The following ERBB4 variants were observed in gnomAD, a reference collection of about 807,000 sequenced individuals.
The protein encoded by ERBB4 is receptor tyrosine-protein kinase erbB-4.
ERBB4 carries 42 observed loss-of-function variants against 158.0 expected under a neutral mutation model. The ratio of observed to expected loss-of-function variants is 0.27; its 90% CI spans 0.21 to 0.34. ERBB4 has a LOEUF of 0.34. Among genes scored for constraint, ERBB4 ranks in the 10% least tolerant of loss-of-function variants. The pLI, the probability that ERBB4 is intolerant of heterozygous loss-of-function variation, is 1.00. For missense variants in ERBB4, 1,333 were observed against 1,624.1 expected (o/e 0.82, Z 3.08); for synonymous variants, 583 against 558.7 (o/e 1.04, Z -0.61).
At chr2:212,480,059 T>A (rs1213947286) in intron 1 of ERBB4, among the ~76,000 whole-genome samples, 1 of 152,190 alleles carries the variant, frequency 6.6e-6, no homozygotes, top group East Asian at 1.9e-4. Context: ...TTAACTCTTG[T>A]GGGAATTAAT....
chr2:211,823,862 T>C (rs1002493857), intron 3 of ERBB4, among the ~76,000 whole-genome samples: 4 of 152,054 alleles, frequency 2.6e-5, no homozygotes, highest in Non-Finnish European at 5.9e-5. Context: ...GGCCAATTCA[T>C]AGTTAATTAC....
At chr2:212,431,100 C>T (rs953890758) in intron 1 of ERBB4, among the ~76,000 whole-genome samples, 2 of 151,982 alleles carry the variant, frequency 1.3e-5, no homozygotes, top group African/African-American at 4.8e-5. Flanking sequence ...CCCTCTTTGA[C>T]AGACCTCTCT....
intron 2 of ERBB4, among the ~76,000 whole-genome samples, chr2:212,102,090 T>TTATATATATA (rs57567965): frequency 0.011 from 1,183 of 107,930 alleles, 42 homozygotes; most frequent in African/African-American, 0.028. Context: ...AAAATTTATT[T>TTATATATATA]TATATATATA....
intron 23 of ERBB4, among the ~76,000 whole-genome samples, chr2:211,423,291 A>C (rs1188545199): frequency 6.6e-6 from 1 of 151,964 alleles, no homozygotes; most frequent in Non-Finnish European, 1.5e-5. Flanking sequence ...TCACTGTCAG[A>C]ATGTATCACA....
chr2:212,151,739 A>G (rs1038480547), intron 1 of ERBB4, among the ~76,000 whole-genome samples: 1 of 151,764 alleles, frequency 6.6e-6, no homozygotes, highest in Admixed American at 6.6e-5. Context: ...AAATACAAAA[A>G]CCAGCTGGGC....
chr2:211,414,913 T>A (rs2063349134), intron 25 of ERBB4, among the ~76,000 whole-genome samples: 1 of 152,050 alleles, frequency 6.6e-6, no homozygotes, highest in Admixed American at 6.6e-5. Context: ...CAGTAGTAGT[T>A]ACCTCCTAGG....
chr2:211,988,589 C>A (rs1331794856), intron 2 of ERBB4, among the ~76,000 whole-genome samples: 1 of 151,984 alleles, frequency 6.6e-6, no homozygotes, highest in Non-Finnish European at 1.5e-5. Context: ...ATTCAAGTTT[C>A]TAAATTATTC....
intron 20 of ERBB4, among the ~76,000 whole-genome samples, chr2:211,461,763 T>C (rs555083977): frequency 6.6e-5 from 10 of 152,014 alleles, no homozygotes; most frequent in African/African-American, 1.9e-4. Flanking sequence ...GAAGAGTTTA[T>C]TAAAAACAAA....
chr2:212,538,108 T>A (rs1456957980), intron 1 of ERBB4, among the ~76,000 whole-genome samples: 4 of 149,698 alleles, frequency 2.7e-5, no homozygotes, highest in Non-Finnish European at 4.5e-5. Flanking sequence ...GACAGAAGAG[T>A]CTCCTCTGAC....
At chr2:211,431,587 T>A (rs528792127) in intron 20 of ERBB4, among the ~76,000 whole-genome samples, 1 of 152,290 alleles carries the variant, frequency 6.6e-6, no homozygotes, top group Admixed American at 6.5e-5. Flanking sequence ...CCATTATAGA[T>A]TCTATGGAGG....
At chr2:212,232,672 T>C (rs892793065) in intron 1 of ERBB4, among the ~76,000 whole-genome samples, 1 of 152,144 alleles carries the variant, frequency 6.6e-6, no homozygotes, top group Non-Finnish European at 1.5e-5. Context: ...CTTCCCAAAG[T>C]GCTGGGATTA....
intron 3 of ERBB4, among the ~76,000 whole-genome samples, chr2:211,822,939 G>C (rs1387550249): frequency 1.3e-5 from 2 of 151,908 alleles, no homozygotes; most frequent in Non-Finnish European, 2.9e-5. Context: ...GAGCTTAATA[G>C]GCATCGTGGA....
At chr2:211,735,219 A>AT (rs1298954545) in intron 5 of ERBB4, among the ~76,000 whole-genome samples, 2 of 98,030 alleles carry the variant, frequency 2.0e-5, no homozygotes, top group Admixed American at 9.5e-5. Flanking sequence ...TATCACATGA[A>AT]TTTAAAAAAA....
At position 212,446,624 on chromosome 2, in the gene ERBB4, T is replaced by TATATATATATATATAC. The variant is rs2092361608; in HGVS notation, c.82+91824_82+91825insGTATATATATATATAT. Among the ~76,000 whole-genome samples, 4 of 80,584 alleles carry TATATATATATATATAC rather than the reference T, an allele frequency of 5.0e-5. 1 individual carries two copies. Among genetic ancestry groups the TATATATATATATATAC allele is most frequent in the East Asian group, 3.7e-4 (1 of 2,698 alleles). 52.9% of individuals were successfully genotyped at this position (80,584 alleles called of 152,430 possible). On this transcript the variant is annotated intron_variant, in intron 1 of 27. Transcript: ENST00000342788. ...ATATATATATATATATATATATATA[T>TATATATATATATATAC]ATATATATATATATCCTATTAGTTC...
chr2:211,903,138 T>C (rs1489306045), intron 3 of ERBB4, among the ~76,000 whole-genome samples: 1 of 148,502 alleles, frequency 6.7e-6, no homozygotes, highest in African/African-American at 2.6e-5. Flanking sequence ...ACAATGTTTC[T>C]TTCTTCAAAT....
chr2:212,529,533 G>T (rs1009072526), intron 1 of ERBB4, among the ~76,000 whole-genome samples: 2 of 152,064 alleles, frequency 1.3e-5, no homozygotes, highest in Non-Finnish European at 2.9e-5. Context: ...CTATAATTAT[G>T]TTATTCAAAC....
At chr2:212,149,671 C>T (rs1476717700) in intron 1 of ERBB4, among the ~76,000 whole-genome samples, 1 of 151,992 alleles carries the variant, frequency 6.6e-6, no homozygotes, top group Non-Finnish European at 1.5e-5. Flanking sequence ...CTTCCATTAG[C>T]CCTGTTTCTC....
At chr2:212,536,342 C>T (rs1479624255) in intron 1 of ERBB4, among the ~76,000 whole-genome samples, 1 of 152,148 alleles carries the variant, frequency 6.6e-6, no homozygotes, top group Admixed American at 6.5e-5. Context: ...CGAAGTCCCC[C>T]GGGGCATTTA....
intron 1 of ERBB4, among the ~76,000 whole-genome samples, chr2:212,344,079 TA>T (rs1481243338): frequency 6.6e-6 from 1 of 152,178 alleles, no homozygotes; most frequent in African/African-American, 2.4e-5. Context: ...GGGAAAAATT[TA>T]GGGGAAAAAT....
Sources: allele counts gnomAD v4.1 joint callset (sites outside exome capture counted in the v4.1 genomes callset), GRCh38; gene constraint gnomAD v4.1.1; transcripts MANE v1.5; gene names NCBI Gene and HGNC (gene_info 2026-07-23, HGNC 2026-07-21).